The following RERE variants were observed in gnomAD, a reference collection of about 807,000 sequenced individuals.
RERE encodes arginine-glutamic acid dipeptide repeats protein.
Under a neutral mutation model 146.1 loss-of-function variants are expected in RERE, and 40 were observed. That is an observed-to-expected ratio of 0.27 (90% CI 0.21 to 0.36). The LOEUF (loss-of-function observed/expected upper bound fraction) is 0.36, where lower values mean the gene tolerates loss of function less well. Among genes scored for constraint, RERE ranks in the 10% least tolerant of loss-of-function variants. The pLI is 1.00. For synonymous variants in RERE, 1,003 were observed against 866.0 expected, an observed-to-expected ratio of 1.16 and a Z score of -2.78; for missense variants, 1,933 against 2,138.7, an observed-to-expected ratio of 0.90 and a Z score of 1.90.
intron 11 of RERE, among the ~76,000 whole-genome samples, chr1:8,436,602 A>C (rs1370245997): frequency 6.6e-6 from 1 of 152,200 alleles, no homozygotes; most frequent in Non-Finnish European, 1.5e-5. Context: ...TTTTGCAAAA[A>C]CTGTAATTAA....
intron 11 of RERE, chr1:8,428,638 G>A (rs1042784658): frequency 6.6e-6 from 1 of 151,904 alleles, no homozygotes; most frequent in Non-Finnish European, 1.5e-5. Flanking sequence ...AATAGAACCT[G>A]GAAAGCTCTG....
intron 1 of RERE, among the ~76,000 whole-genome samples, chr1:8,719,701 G>T (rs188987809): frequency 1.6e-4 from 25 of 152,264 alleles, no homozygotes; most frequent in Admixed American, 1.6e-3. Flanking sequence ...ACAAGCGAAA[G>T]TAAGCCTACC....
intron 12 of RERE, among the ~76,000 whole-genome samples, chr1:8,413,756 T>G (rs992271242): frequency 1.3e-5 from 2 of 152,044 alleles, no homozygotes; most frequent in African/African-American, 4.8e-5. Flanking sequence ...GCAAGACCGT[T>G]AGAAATGAGG....
chr1:8,535,367 C>A (rs554315482), intron 7 of RERE, among the ~76,000 whole-genome samples: 1 of 152,082 alleles, frequency 6.6e-6, no homozygotes, highest in African/African-American at 2.4e-5. Context: ...CCTGAGAATA[C>A]CATGGTAATA....
chr1:8,591,845 C>T (rs1359818006), intron 4 of RERE, among the ~76,000 whole-genome samples: 1 of 152,180 alleles, frequency 6.6e-6, no homozygotes, highest in Non-Finnish European at 1.5e-5. Flanking sequence ...GTATGTCCTG[C>T]CCTTCCCACA....
chr1:8,367,458 C>T (rs774908508), intron 12 of RERE, among the ~76,000 whole-genome samples: 1 of 152,194 alleles, frequency 6.6e-6, no homozygotes, highest in South Asian at 2.1e-4. Context: ...GCTGACTGGC[C>T]TATAAAGCCC....
intron 1 of RERE, among the ~76,000 whole-genome samples, chr1:8,660,740 T>C (rs999614524): frequency 6.6e-6 from 1 of 152,200 alleles, no homozygotes; most frequent in Non-Finnish European, 1.5e-5. Context: ...CAAAGCTATT[T>C]TTCTCCAGTC....
intron 1 of RERE, among the ~76,000 whole-genome samples, chr1:8,794,383 C>G (rs1256442601): frequency 7.9e-6 from 1 of 126,566 alleles, no homozygotes; most frequent in African/African-American, 2.9e-5. Context: ...AAAAAAAAAG[C>G]CTCTGAAATC....
chr1:8,550,134 G>A (rs1289288153), intron 6 of RERE, among the ~76,000 whole-genome samples: 1 of 152,152 alleles, frequency 6.6e-6, no homozygotes, highest in Non-Finnish European at 1.5e-5. Flanking sequence ...TTAGGGGAGG[G>A]ATATATTGAA....
intron 1 of RERE, among the ~76,000 whole-genome samples, chr1:8,809,993 T>TTTGTTGTTG (rs757435268): frequency 5.9e-5 from 9 of 151,564 alleles, no homozygotes; most frequent in Non-Finnish European, 8.8e-5. Context: ...TGTTTTTGTT[T>TTTGTTGTTG]TTGTTGTTGT....
intron 1 of RERE, among the ~76,000 whole-genome samples, chr1:8,809,387 G>C (rs1285447197): frequency 6.6e-6 from 1 of 152,072 alleles, no homozygotes; most frequent in Non-Finnish European, 1.5e-5. Flanking sequence ...ATCTCTGTTG[G>C]CTGTAGCTAA....
At chr1:8,693,730 CATACACT>C (rs1171451024) in intron 1 of RERE, among the ~76,000 whole-genome samples, 2 of 152,042 alleles carry the variant, frequency 1.3e-5, no homozygotes, top group Non-Finnish European at 2.9e-5. Context: ...TGAACCTTAA[CATACACT>C]ATAGACTTTA....
At chr1:8,786,607 A>C (rs1376305311) in intron 1 of RERE, 8 of 767,278 alleles carry the variant, frequency 1.0e-5, no homozygotes, top group Middle Eastern at 2.3e-4. Flanking sequence ...AAGGCGAAGA[A>C]GCTGCAACAC....
chr1:8,425,654 CG>C (rs1644001805), intron 11 of RERE: 1 of 152,216 alleles, frequency 6.6e-6, no homozygotes, highest in Non-Finnish European at 1.5e-5. Context: ...ACCATGCAAT[CG>C]GAACGTGGGC....
chr1:8,556,388 C>A, intron 6 of RERE, 87 bp downstream of exon 6: 1 of 799,360 alleles, frequency 1.3e-6, no homozygotes, highest in African/African-American at 1.7e-5. Flanking sequence ...AATACAGTGA[C>A]TACTAAAAGA....
chr1:8,696,997 T>C (rs1337300275), intron 1 of RERE, among the ~76,000 whole-genome samples: 2 of 150,420 alleles, frequency 1.3e-5, no homozygotes, highest in Non-Finnish European at 3.0e-5. Context: ...AAAAAAATAA[T>C]AAGATCCAAA....
rs1277555287 is a variant in RERE at position 8,545,510 on chromosome 1, G to T, written c.726-4192C>A. ...CTTAAAATTACCAATAACTGGGAAGGTCTTCCCGTATCCCCAGGCATGCGC... is the reference window on the plus strand; with the variant it reads ...CTTAAAATTACCAATAACTGGGAAGTTCTTCCCGTATCCCCAGGCATGCGC... On this transcript the variant is annotated intron_variant, in intron 6 of 22. Coordinates refer to ENST00000400908, the MANE Select transcript of RERE (RefSeq NM_001042681.2). 3.9e-5 allele frequency among the ~76,000 whole-genome samples: 6 copies of T among 152,056 alleles called. No individual in the cohort carries two copies. In the East Asian group the frequency reaches 1.2e-3, roughly 29 times the overall value.
At chr1:8,587,790 T>C (rs1189884623) in intron 4 of RERE, among the ~76,000 whole-genome samples, 1 of 152,208 alleles carries the variant, frequency 6.6e-6, no homozygotes, top group Non-Finnish European at 1.5e-5. Flanking sequence ...CTCTATTCTT[T>C]GTCTAAAAAG....
At chr1:8,722,554 G>A (rs1639883884) in intron 1 of RERE, among the ~76,000 whole-genome samples, 1 of 152,092 alleles carries the variant, frequency 6.6e-6, no homozygotes, top group East Asian at 1.9e-4. Context: ...TCATATCCCT[G>A]GGTTCCACAT....
Sources: allele counts gnomAD v4.1 joint callset (sites outside exome capture counted in the v4.1 genomes callset), GRCh38; gene constraint gnomAD v4.1.1; transcripts MANE v1.5; gene names NCBI Gene and HGNC (gene_info 2026-07-23, HGNC 2026-07-21).